STK32B: variants seen among roughly 807,000 people sequenced by gnomAD.
STK32B encodes serine/threonine-protein kinase 32B.
Under a neutral mutation model 52.6 loss-of-function variants are expected in STK32B, and 43 were observed. The ratio of observed to expected loss-of-function variants is 0.82; its 90% CI spans 0.64 to 1.05. STK32B has a LOEUF of 1.05. Among genes scored for constraint, STK32B ranks in the 50% least tolerant of loss-of-function variants. STK32B has a pLI of 0.00. For missense variants in STK32B, 621 were observed against 534.6 expected, an observed-to-expected ratio of 1.16 and a Z score of -1.59; for synonymous variants, 238 against 204.3, an observed-to-expected ratio of 1.17 and a Z score of -1.41.
At chr4:5,186,647 C>A (rs1720761620) in intron 3 of STK32B, among the ~76,000 whole-genome samples, 1 of 152,172 alleles carries the variant, frequency 6.6e-6, no homozygotes, top group Non-Finnish European at 1.5e-5. Context: ...ATCCCCAACA[C>A]ACAGAGATGG....
At chr4:5,138,933 G>A (rs1716237716) in intron 1 of STK32B, among the ~76,000 whole-genome samples, 4 of 152,150 alleles carry the variant, frequency 2.6e-5, no homozygotes, top group African/African-American at 9.7e-5. Flanking sequence ...CTGCAGCCCT[G>A]GGGAAGGATT....
At chr4:5,270,156 A>C (rs1020391017) in intron 3 of STK32B, among the ~76,000 whole-genome samples, 2 of 152,176 alleles carry the variant, frequency 1.3e-5, no homozygotes, top group African/African-American at 4.8e-5. Flanking sequence ...GAGGGACAGA[A>C]TGAATAGGAT....
chr4:5,041,958 A>G, the STK32B span, among the ~76,000 whole-genome samples: 1 of 152,210 alleles, frequency 6.6e-6, no homozygotes, highest in African/African-American at 2.4e-5. Flanking sequence ...AGCAGACTCT[A>G]CAAAATGGCT....
chr4:5,378,153 CGTCT>C lies in STK32B; in HGVS notation c.435-20048_435-20045del, dbSNP rs973694885. Among the ~76,000 whole-genome samples the C allele has an allele frequency of 3.9e-5, 6 of 152,190 alleles. No individual in the cohort carries two copies. Among genetic ancestry groups the C allele is most frequent in the East Asian group, 1.9e-4 (1 of 5,184 alleles). On this transcript the variant is annotated intron_variant, in intron 4 of 11. Transcript: ENST00000282908. This position sits in a 1 kb window ranked among gnomAD's most constrained non-coding sequence, Gnocchi z 4.4. ...ACTGAAAAAGGAGTAACTGCCTCCC[CGTCT>C]GTCTGAGTGTTCATTCATGTCCAGT... is the stretch of plus-strand genomic sequence containing the variant.
chr4:5,123,187 A>G (rs770418718), intron 1 of STK32B, among the ~76,000 whole-genome samples: 1 of 151,898 alleles, frequency 6.6e-6, no homozygotes, highest in Non-Finnish European at 1.5e-5. Context: ...AGCTGTAGAG[A>G]CAGAAGGTGT....
intron 4 of STK32B, among the ~76,000 whole-genome samples, chr4:5,392,091 A>G (rs557796409): frequency 5.4e-4 from 82 of 152,298 alleles, no homozygotes; most frequent in African/African-American, 1.9e-3. Context: ...TTGCATGTGG[A>G]TGGTGTAATA....
chr4:5,145,851 A>C lies in STK32B; in HGVS notation c.108+5891A>C, dbSNP rs150385118. Among the ~76,000 whole-genome samples the C allele has an allele frequency of 5.3e-3, 811 of 152,268 alleles. 6 individuals are homozygous for C. The highest frequency in any genetic ancestry group is 0.019 in the African/African-American group (773 of 41,564). On this transcript the variant is annotated intron_variant, in intron 2 of 11. Coordinates refer to ENST00000282908, the MANE Select transcript of STK32B (RefSeq NM_018401.3). ...AAAGTTTTCTATTTCGATAAGATCCAATTTGTTGAGTGCTTTTGCTTTTAG... is the reference window on the plus strand; with the variant it reads ...AAAGTTTTCTATTTCGATAAGATCCCATTTGTTGAGTGCTTTTGCTTTTAG...
At chr4:5,060,807 T>C (rs1276702268) in intron 1 of STK32B, among the ~76,000 whole-genome samples, 1 of 152,238 alleles carries the variant, frequency 6.6e-6, no homozygotes, top group African/African-American at 2.4e-5. Flanking sequence ...AGCAGGTTTT[T>C]TTCTTCAGCA....
chr4:5,023,732 C>T, the STK32B span, among the ~76,000 whole-genome samples: 1 of 152,140 alleles, frequency 6.6e-6, no homozygotes, highest in South Asian at 2.1e-4. Context: ...ACGATTAACG[C>T]CTCTCTGTCT....
Position 5,398,257 on chromosome 4 carries a change from C to G in STK32B, c.472+13C>G, listed in dbSNP as rs769311113. On this transcript the variant is annotated intron_variant, in intron 5 of 11. Transcript: ENST00000282908. This position sits in a 1 kb window ranked among gnomAD's most constrained non-coding sequence, Gnocchi z 4.9. ...CTGGATGAACACGGTAAGCCTGCTACTAATCCTTTACAGGGACTCTCAGTG... is the reference window on the plus strand; with the variant it reads ...CTGGATGAACACGGTAAGCCTGCTAGTAATCCTTTACAGGGACTCTCAGTG... 4.3e-6 allele frequency: 7 copies of G among 1,613,840 alleles called. No individual in the cohort carries two copies. In the East Asian group the frequency reaches 1.6e-4, roughly 36 times the overall value.
At chr4:5,352,556 C>A (rs1560344653) in intron 4 of STK32B, among the ~76,000 whole-genome samples, 1 of 151,406 alleles carries the variant, frequency 6.6e-6, no homozygotes, top group Non-Finnish European at 1.5e-5. Flanking sequence ...GCCACTTTTA[C>A]CACTCCTATT....
chr4:5,192,062 C>T (rs1294823739), intron 3 of STK32B, among the ~76,000 whole-genome samples: 1 of 152,172 alleles, frequency 6.6e-6, no homozygotes, highest in Admixed American at 6.5e-5. Context: ...GAGTGAACAT[C>T]CATTGCCAGG....
At chr4:5,085,490 G>C (rs145078599) in intron 1 of STK32B, among the ~76,000 whole-genome samples, 1 of 152,124 alleles carries the variant, frequency 6.6e-6, no homozygotes, top group Admixed American at 6.6e-5. Context: ...CCATGGAACT[G>C]GTGTTCTAGA....
chr4:5,189,794 C>T (rs1044106679), intron 3 of STK32B, among the ~76,000 whole-genome samples: 3 of 152,128 alleles, frequency 2.0e-5, no homozygotes, highest in Admixed American at 6.5e-5. Context: ...AGAGTTCCTG[C>T]TGCTCCCTCC....
chr4:5,105,007 A>C (rs1008007269), intron 1 of STK32B, among the ~76,000 whole-genome samples: 5 of 152,230 alleles, frequency 3.3e-5, no homozygotes, highest in African/African-American at 1.2e-4. Flanking sequence ...GCCTGTGCTC[A>C]ATTATCTAAA....
intron 4 of STK32B, among the ~76,000 whole-genome samples, chr4:5,381,007 A>G (rs954641054): frequency 2.0e-5 from 3 of 152,200 alleles, no homozygotes; most frequent in African/African-American, 7.2e-5. Flanking sequence ...TACACAGTGT[A>G]AATGACCACG....
Position 5,381,584 on chromosome 4 carries a change from C to T in STK32B, c.435-16623C>T, listed in dbSNP as rs910124363. On this transcript the variant is annotated intron_variant, in intron 4 of 11. Transcript: ENST00000282908. ...ATGCTAGGGGCTGGCCATCTTTGTC[C>T]CTCCACCATCCTATATGGGACTCTG... 2.0e-5 allele frequency among the ~76,000 whole-genome samples: 3 copies of T among 152,198 alleles called. No individual in the cohort carries two copies. The South Asian group carries it at 6.2e-4, about 32-fold the overall frequency.
intron 1 of STK32B, among the ~76,000 whole-genome samples, chr4:5,120,517 A>AG (rs1714969621): frequency 6.6e-6 from 1 of 152,158 alleles, no homozygotes; most frequent in African/African-American, 2.4e-5. Context: ...ACTTTTTCAT[A>AG]GGGAGGTATG....
chr4:5,145,004 T>G (rs916740079), intron 2 of STK32B, among the ~76,000 whole-genome samples: 1 of 152,216 alleles, frequency 6.6e-6, no homozygotes, highest in Non-Finnish European at 1.5e-5. Flanking sequence ...GGAACACTCA[T>G]AGTTTATGGG....
Sources: gnomAD v4.1 joint callset for allele counts (sites outside exome capture counted in the v4.1 genomes callset) on GRCh38, gnomAD v4.1.1 for gene constraint, Gnocchi (gnomAD v3.1) non-coding constraint, MANE v1.5 for transcripts, NCBI Gene and HGNC (gene_info 2026-07-23, HGNC 2026-07-21) for gene names.